MTUS2: variants seen among roughly 807,000 people sequenced by gnomAD.
The protein encoded by MTUS2 is microtubule associated scaffold protein 2, also known as microtubule-associated tumor suppressor candidate 2.
MTUS2 carries 40 observed loss-of-function variants against 114.1 expected under a neutral mutation model. The ratio of observed to expected loss-of-function variants is 0.35; its 90% confidence interval spans 0.27 to 0.46. The LOEUF (loss-of-function observed/expected upper bound fraction) is 0.46, where lower values mean the gene tolerates loss of function less well. MTUS2 is among the 20% of genes least tolerant of loss of function. The pLI is 1.00. For missense variants in MTUS2, 1,679 were observed against 1,705.4 expected, an observed-to-expected ratio of 0.98 and a Z score of 0.27; for synonymous variants, 688 against 672.0, an observed-to-expected ratio of 1.02 and a Z score of -0.37.
At chr13:29,207,001 G>A (rs1402217706) in intron 5 of MTUS2, among the ~76,000 whole-genome samples, 5 of 152,186 alleles carry the variant, frequency 3.3e-5, no homozygotes, top group Non-Finnish European at 7.4e-5. Context: ...TTTTGGCAGT[G>A]TGGTCATTTT....
intron 5 of MTUS2, among the ~76,000 whole-genome samples, chr13:29,217,425 A>G (rs4769694): frequency 0.72 from 108,770 of 152,116 alleles, 39,191 homozygotes; most frequent in East Asian, 0.8. Context: ...TTTTCAGTGC[A>G]TATAAAACTT....
chr13:28,841,141 T>C (rs1374299081), intron 2 of MTUS2, among the ~76,000 whole-genome samples: 2 of 152,262 alleles, frequency 1.3e-5, no homozygotes, highest in Non-Finnish European at 2.9e-5. Flanking sequence ...TGGATGGTTC[T>C]TCATTACTTA....
At chr13:28,966,724 C>CAAAAAA (rs10597818) in intron 2 of MTUS2, among the ~76,000 whole-genome samples, 37 of 82,264 alleles carry the variant, frequency 4.5e-4, no homozygotes, top group Non-Finnish European at 6.6e-4. Flanking sequence ...GACCCTGTCT[C>CAAAAAA]AAAAAAAAAA....
intron 5 of MTUS2, among the ~76,000 whole-genome samples, chr13:29,107,620 C>T (rs1291166624): frequency 6.6e-6 from 1 of 152,090 alleles, no homozygotes; most frequent in East Asian, 1.9e-4. Context: ...TAAATATATT[C>T]AGAGATAAAC....
chr13:28,853,514 C>T (rs561960860), intron 2 of MTUS2, among the ~76,000 whole-genome samples: 73 of 152,304 alleles, frequency 4.8e-4, no homozygotes, highest in African/African-American at 1.7e-3. Context: ...GGCTCTGAAC[C>T]GAGGTGTCTT....
At chr13:29,352,119 G>A (rs1306969819) in intron 7 of MTUS2, among the ~76,000 whole-genome samples, 3 of 152,104 alleles carry the variant, frequency 2.0e-5, no homozygotes, top group South Asian at 2.1e-4. Context: ...TCTAAATCTT[G>A]CCAGGTGATA....
intron 6 of MTUS2, among the ~76,000 whole-genome samples, chr13:29,305,044 A>G (rs1320489327): frequency 1.3e-5 from 2 of 152,206 alleles, no homozygotes; most frequent in Admixed American, 1.3e-4. Context: ...ACTCTTGGGT[A>G]AAAATGAAAT....
At chr13:29,018,026 G>A (rs561912612) in intron 2 of MTUS2, among the ~76,000 whole-genome samples, 1 of 152,328 alleles carries the variant, frequency 6.6e-6, no homozygotes, top group African/African-American at 2.4e-5. Context: ...AGGACACAGA[G>A]AGAAAATACC....
chr13:29,418,253 T>C (rs1377079903), intron 8 of MTUS2, among the ~76,000 whole-genome samples: 1 of 152,122 alleles, frequency 6.6e-6, no homozygotes, highest in Non-Finnish European at 1.5e-5. Context: ...GAAAAAAGAT[T>C]ACATTTTTCA....
chr13:29,158,816 G>C (rs555307857), intron 5 of MTUS2, among the ~76,000 whole-genome samples: 202 of 152,294 alleles, frequency 1.3e-3, no homozygotes, highest in African/African-American at 4.7e-3. Context: ...GGAACCCACT[G>C]TTCAAGGATA....
chr13:28,961,789 T>C (rs1883340790), intron 2 of MTUS2, among the ~76,000 whole-genome samples: 1 of 152,166 alleles, frequency 6.6e-6, no homozygotes, highest in African/African-American at 2.4e-5. Context: ...TTTTCCACTT[T>C]GTTAAATAGT....
At chr13:29,501,328 A>G in intron 15 of MTUS2, 134 bp downstream of exon 15, 1 of 670,928 alleles carries the variant, frequency 1.5e-6, no homozygotes, top group South Asian at 1.9e-5. Flanking sequence ...GACCTGAAGA[A>G]CAAGAACAAA....
chr13:29,045,150 A>T (rs1193627762), intron 4 of MTUS2, among the ~76,000 whole-genome samples: 1 of 152,202 alleles, frequency 6.6e-6, no homozygotes. Context: ...GTAATATAAG[A>T]TAGTCATGAG....
chr13:29,365,865 C>A (rs1870666435), intron 8 of MTUS2, among the ~76,000 whole-genome samples: 3 of 152,146 alleles, frequency 2.0e-5, no homozygotes, highest in Non-Finnish European at 4.4e-5. Flanking sequence ...CTGTAAACTC[C>A]CCTCCAACTA....
intron 2 of MTUS2, among the ~76,000 whole-genome samples, chr13:28,849,733 C>T (rs1876123801): frequency 6.6e-6 from 1 of 152,048 alleles, no homozygotes; most frequent in Non-Finnish European, 1.5e-5. Flanking sequence ...CCAGACTTTC[C>T]TGCTTCTCCT....
chr13:28,858,046 A>G (rs994051576), intron 2 of MTUS2, among the ~76,000 whole-genome samples: 12 of 152,212 alleles, frequency 7.9e-5, no homozygotes, highest in East Asian at 3.9e-4. Flanking sequence ...CTCTGGATAT[A>G]AAGTAGAGGG....
At chr13:29,252,488 A>G (rs1897155311) in intron 5 of MTUS2, among the ~76,000 whole-genome samples, 1 of 152,096 alleles carries the variant, frequency 6.6e-6, no homozygotes, top group Non-Finnish European at 1.5e-5. Flanking sequence ...ATGTTTAGAA[A>G]ATGTAGGAGG....
intron 2 of MTUS2, among the ~76,000 whole-genome samples, chr13:28,913,541 C>T (rs143637193): frequency 1.3e-4 from 20 of 152,044 alleles, no homozygotes; most frequent in African/African-American, 3.6e-4. Context: ...ATTTTTGCAG[C>T]GATATTCATC....
At chr13:29,075,669 G>C (rs1390392536) in intron 4 of MTUS2, among the ~76,000 whole-genome samples, 1 of 152,122 alleles carries the variant, frequency 6.6e-6, no homozygotes, top group Non-Finnish European at 1.5e-5. Flanking sequence ...ACAACTTTAT[G>C]TTTCCTAGAA....
Sources: allele counts gnomAD v4.1 joint callset (sites outside exome capture counted in the v4.1 genomes callset), GRCh38; gene constraint gnomAD v4.1.1; transcripts MANE v1.5; gene names NCBI Gene and HGNC (gene_info 2026-07-23, HGNC 2026-07-21).